Variants in SMC2 observed in about 807,000 individuals in gnomAD.
The protein encoded by SMC2 is structural maintenance of chromosomes 2, also known as structural maintenance of chromosomes protein 2.
Under a neutral mutation model 142.6 loss-of-function variants are expected in SMC2, and 41 were observed. The observed-to-expected ratio is 0.29, with a 90% CI of 0.22 to 0.37. The LOEUF (loss-of-function observed/expected upper bound fraction) is 0.37. Ranked by LOEUF, SMC2 falls within the 10% of genes least tolerant of loss-of-function variation. The pLI is 1.00. For synonymous variants in SMC2, 463 were observed against 457.5 expected, an observed-to-expected ratio of 1.01 and a Z score of -0.15; for missense variants, 1,265 against 1,373.7, an observed-to-expected ratio of 0.92 and a Z score of 1.25.
At chr9:104,102,314 A>G in intron 8 of SMC2, 110 bp from the exon 9 acceptor site, 2 of 1,130,290 alleles carry the variant, frequency 1.8e-6, no homozygotes, top group Non-Finnish European at 2.5e-6. Context: ...ATCTTATAGT[A>G]AGATAATGAA....
intron 4 of SMC2, among the ~76,000 whole-genome samples, chr9:104,099,306 A>G (rs1830849864): frequency 6.6e-6 from 1 of 152,076 alleles, no homozygotes; most frequent in African/African-American, 2.4e-5. Flanking sequence ...AAGTTTTTTA[A>G]TTATGCTGAA....
At chr9:104,122,371 T>G (rs1833832369) in intron 16 of SMC2, among the ~76,000 whole-genome samples, 1 of 152,186 alleles carries the variant, frequency 6.6e-6, no homozygotes, top group African/African-American at 2.4e-5. Context: ...ACATTCCACA[T>G]TTTTAAATTA....
intron 17 of SMC2, among the ~76,000 whole-genome samples, chr9:104,124,075 G>A (rs1002172350): frequency 5.9e-5 from 9 of 152,256 alleles, no homozygotes; most frequent in East Asian, 1.9e-4. Context: ...ACAGCAACAC[G>A]TGTTCATTCA....
chr9:104,103,028 T>G (rs752531579), intron 9 of SMC2, among the ~76,000 whole-genome samples: 2 of 152,102 alleles, frequency 1.3e-5, no homozygotes, highest in Non-Finnish European at 2.9e-5. Context: ...ATATGAATAT[T>G]GAATCCAGGC....
chr9:104,132,811 G>A (rs1587999841), intron 22 of SMC2, among the ~76,000 whole-genome samples: 1 of 150,930 alleles, frequency 6.6e-6, no homozygotes, highest in East Asian at 1.9e-4. Context: ...TTAGTGTGCA[G>A]CATGTCGATT....
intron 22 of SMC2, among the ~76,000 whole-genome samples, chr9:104,133,340 A>T (rs952612659): frequency 2.6e-5 from 4 of 152,104 alleles, no homozygotes; most frequent in African/African-American, 9.7e-5. Flanking sequence ...CCTGTCCCAC[A>T]CTTGGCCTAG....
Position 104,134,417 on chromosome 9 carries a change from G to A in SMC2, c.3111G>A (p.Val1037=), listed in dbSNP as rs1019635349. 2 of 1,570,284 alleles carry A rather than the reference G, an allele frequency of 1.3e-6. No homozygotes were observed. Among genetic ancestry groups the A allele is most frequent in the Non-Finnish European group, 1.7e-6 (2 of 1,163,792 alleles). Residue 1037 remains valine (V), a splice_region_variant and synonymous_variant, in exon 23 of 25, where the codon GTG becomes GTA. Coordinates refer to ENST00000374793, the MANE Select transcript of SMC2 (RefSeq NM_006444.3). ...ACTTTTTTATTTTTTAAATCCAGGT[G>A]AACAAGGACTTTGGGTCTATTTTTT... ...NQALNIAWQK[V]NKDFGSIFST... is the part of the protein sequence containing the mutation.
intron 10 of SMC2, among the ~76,000 whole-genome samples, 187 bp from the exon 11 acceptor site, chr9:104,113,129 T>C (rs1832679686): frequency 6.6e-6 from 1 of 152,178 alleles, no homozygotes; most frequent in Admixed American, 6.5e-5. Flanking sequence ...GTTTATACTT[T>C]GAGTAGTTTT....
chr9:104,128,706 C>A (rs1834586018), intron 20 of SMC2, among the ~76,000 whole-genome samples: 2 of 152,296 alleles, frequency 1.3e-5, no homozygotes, highest in African/African-American at 4.8e-5. Flanking sequence ...GAGAATGAAT[C>A]ATAATTCTAG....
Position 104,111,596 on chromosome 9 carries a change from G to A in SMC2, c.1036G>A (p.Ala346Thr). 2 of 1,611,840 alleles carry A rather than the reference G, an allele frequency of 1.2e-6. No homozygotes were observed. Among genetic ancestry groups the A allele is most frequent in the South Asian group, 1.1e-5 (1 of 90,548 alleles). Residue 346 changes from alanine to threonine, a missense_variant, in exon 10 of 25, where the codon GCA becomes ACA. Ala to Thr is a moderately conservative substitution (Grantham distance 58). This residue lies in a region of SMC2 where 898 missense variants were observed against 904.2 expected (regional missense o/e 0.99). Coordinates refer to ENST00000374793, the MANE Select transcript of SMC2 (RefSeq NM_006444.3). ...CTTCCTAAAGGACTCAAAAACTTTA[G>A]CAGCAAAGGAAAAAGAGGTTAAAAA... ...KNMVEDSKTL[A>T]AKEKEVKKIT...
Position 104,116,334 on chromosome 9 carries a change from G to T in SMC2, c.1791+15G>T. ...CTCAGAATCTTGTAAGTCTCATTTT[G>T]TCTTATTTATATGTTTAATCGTCAT... On this transcript the variant is annotated intron_variant, in intron 14 of 24. Transcript: ENST00000374793. 1 of 1,591,922 alleles carries T rather than the reference G, an allele frequency of 6.3e-7. No homozygotes were observed. The highest frequency in any genetic ancestry group is 1.7e-4 in the Middle Eastern group (1 of 6,006).
Position 104,134,386 on chromosome 9 carries a change from GTTTTAACTT to G in SMC2, c.3109-23_3109-15del, listed in dbSNP as rs1163124116. On this transcript the variant is annotated intron_variant, in intron 22 of 24. Coordinates refer to ENST00000374793, the MANE Select transcript of SMC2 (RefSeq NM_006444.3). ...GATTCTTCTTGGAAAGCATCCTGATGTTTTAACTTTTTTATTTTTTAAATCCAGGTGAAC... is the reference window on the plus strand; with the variant it reads ...GATTCTTCTTGGAAAGCATCCTGATGTTTTATTTTTTAAATCCAGGTGAAC... 1.3e-6 allele frequency: 2 copies of G among 1,542,150 alleles called. No homozygotes were observed. Among genetic ancestry groups the G allele is most frequent in the Non-Finnish European group, 1.8e-6 (2 of 1,140,388 alleles).
At chr9:104,089,186 T>A in the SMC2 span, among the ~76,000 whole-genome samples, 5 of 152,148 alleles carry the variant, frequency 3.3e-5, no homozygotes, top group African/African-American at 4.8e-5. Context: ...AGTAAAACTT[T>A]AGAGAGGGCA....
upstream of SMC2, among the ~76,000 whole-genome samples, chr9:104,093,757 G>A (rs1460184559): frequency 6.6e-6 from 1 of 152,202 alleles, no homozygotes; most frequent in Non-Finnish European, 1.5e-5. Context: ...GAGGTCCGAG[G>A]CCAGTACGGG....
intron 19 of SMC2, 72 bp from the exon 20 acceptor site, chr9:104,127,214 A>G (rs1834409023): frequency 8.2e-7 from 1 of 1,215,758 alleles, no homozygotes; most frequent in Non-Finnish European, 1.1e-6. Context: ...GATCTGTCAG[A>G]TAATTGTTTA....
chr9:104,095,274 G>T, intron 1 of SMC2, 50 bp from the exon 2 acceptor site: 1 of 839,072 alleles, frequency 1.2e-6, no homozygotes, highest in South Asian at 1.7e-5. Context: ...TGTTCATTAT[G>T]ATTCCAGGTT....
chr9:104,104,420 C>T (rs1423977346), intron 9 of SMC2, among the ~76,000 whole-genome samples: 1 of 152,156 alleles, frequency 6.6e-6, no homozygotes, highest in Non-Finnish European at 1.5e-5. Context: ...ATTTTATTTG[C>T]ACGTGCTCAA....
At chr9:104,116,998 A>G (rs965059059) in intron 14 of SMC2, among the ~76,000 whole-genome samples, 6 of 152,244 alleles carry the variant, frequency 3.9e-5, no homozygotes, top group Non-Finnish European at 5.9e-5. Flanking sequence ...AGACATTTCT[A>G]TGAAACTTAA....
chr9:104,110,618 CT>C (rs1390596947), intron 9 of SMC2, among the ~76,000 whole-genome samples: 2 of 151,736 alleles, frequency 1.3e-5, no homozygotes, highest in Non-Finnish European at 2.9e-5. Context: ...GAATCTAAGT[CT>C]TTATTTACCA....
Sources: gnomAD v4.1 joint callset for allele counts (sites outside exome capture counted in the v4.1 genomes callset) on GRCh38, gnomAD v4.1.1 for gene constraint, gnomAD v4.1.1 regional missense constraint, MANE v1.5 for transcripts, NCBI Gene and HGNC (gene_info 2026-07-23, HGNC 2026-07-21) for gene names.